Variants in SYN3 observed in about 807,000 individuals in gnomAD.
SYN3 encodes synapsin-3.
Under a neutral mutation model 65.8 loss-of-function variants are expected in SYN3, and 35 were observed. The ratio of observed to expected loss-of-function variants is 0.53; its 90% CI spans 0.41 to 0.70. SYN3 has a LOEUF of 0.70. Ranked by LOEUF, SYN3 falls within the 30% of genes least tolerant of loss-of-function variation. The pLI is 0.00. For missense variants in SYN3, 680 were observed against 749.0 expected (o/e 0.91, Z 1.08); for synonymous variants, 270 against 292.9 (o/e 0.92, Z 0.80).
At chr22:32,880,380 G>T (rs1307049363) in intron 4 of SYN3, among the ~76,000 whole-genome samples, 2 of 152,190 alleles carry the variant, frequency 1.3e-5, no homozygotes, top group African/African-American at 4.8e-5. Context: ...AGGGGAAGAA[G>T]CCAAGGAGGG....
chr22:32,584,656 T>C (rs975522371), intron 7 of SYN3, among the ~76,000 whole-genome samples: 1 of 152,188 alleles, frequency 6.6e-6, no homozygotes. Flanking sequence ...TCCAAATGAG[T>C]CTGTTCCTGG....
chr22:32,553,176 T>C (rs1316108946), intron 7 of SYN3, among the ~76,000 whole-genome samples: 1 of 152,146 alleles, frequency 6.6e-6, no homozygotes, highest in East Asian at 1.9e-4. Flanking sequence ...TCCCATCACT[T>C]TGGGGATTAA....
intron 7 of SYN3, among the ~76,000 whole-genome samples, chr22:32,559,911 T>C (rs2058561433): frequency 6.6e-6 from 1 of 151,642 alleles, no homozygotes; most frequent in South Asian, 2.1e-4. Context: ...AGGAGTTGGG[T>C]GAGTGGGCTC....
At chr22:33,007,986 G>A (rs1373694566) in intron 1 of SYN3, among the ~76,000 whole-genome samples, 1 of 151,260 alleles carries the variant, frequency 6.6e-6, no homozygotes, top group East Asian at 1.9e-4. Flanking sequence ...ACCCAGCCTG[G>A]AGTGCAGTGG....
chr22:32,794,832 T>C (rs1282055545), intron 6 of SYN3, among the ~76,000 whole-genome samples: 3 of 152,082 alleles, frequency 2.0e-5, no homozygotes, highest in Admixed American at 1.3e-4. Flanking sequence ...TCCTGAAAGA[T>C]GAATACGTGA....
intron 3 of SYN3, among the ~76,000 whole-genome samples, chr22:32,939,002 C>G (rs1352164928): frequency 1.3e-5 from 2 of 150,672 alleles, no homozygotes; most frequent in African/African-American, 4.9e-5. Flanking sequence ...ATTATAAGTC[C>G]AAAATGTGTT....
chr22:32,882,907 C>T (rs1239748373), intron 4 of SYN3, among the ~76,000 whole-genome samples: 1 of 151,970 alleles, frequency 6.6e-6, no homozygotes. Flanking sequence ...AGTCCCCCCG[C>T]CCCCCAACCA....
chr22:32,950,970 G>A lies in SYN3; in HGVS notation c.370-19489C>T, dbSNP rs146857865. Among the ~76,000 whole-genome samples the A allele has an allele frequency of 3.8e-4, 58 of 152,158 alleles. 1 individual carries two copies. The highest frequency in any genetic ancestry group is 1.3e-3 in the African/African-American group (54 of 41,494). ...CATCAAAATTCTACCCTAATTCCTA[G>A]CAGACTGATATGTTTACTCTTGGGA... On this transcript the variant is annotated intron_variant, in intron 3 of 13. Coordinates refer to ENST00000358763, the MANE Select transcript of SYN3 (RefSeq NM_003490.4).
intron 6 of SYN3, among the ~76,000 whole-genome samples, chr22:32,755,264 A>C (rs1260322645): frequency 6.6e-6 from 1 of 152,254 alleles, no homozygotes; most frequent in Admixed American, 6.5e-5. Context: ...AAATGAAATT[A>C]CTGGTTCAAG....
intron 6 of SYN3, among the ~76,000 whole-genome samples, chr22:32,627,153 C>T (rs7290002): frequency 0.1 from 14,043 of 139,646 alleles, 1,586 homozygotes; most frequent in African/African-American, 0.28. Flanking sequence ...GGCAGTGCGG[C>T]GGGCGGGTAA....
chr22:32,528,803 G>A (rs924126211), intron 11 of SYN3, 71 bp downstream of exon 11: 15 of 1,595,610 alleles, frequency 9.4e-6, no homozygotes, highest in Non-Finnish European at 1.3e-5. Flanking sequence ...TTGGATCCAG[G>A]GGCTCCCCAT....
At chr22:32,785,838 T>C (rs2046178899) in intron 6 of SYN3, among the ~76,000 whole-genome samples, 1 of 152,182 alleles carries the variant, frequency 6.6e-6, no homozygotes, top group East Asian at 1.9e-4. Context: ...ACTGTGTCTG[T>C]CTTGCTTCCT....
intron 7 of SYN3, among the ~76,000 whole-genome samples, chr22:32,554,958 G>A (rs1473255230): frequency 1.3e-5 from 2 of 152,206 alleles, no homozygotes; most frequent in Non-Finnish European, 2.9e-5. Flanking sequence ...CATTCAATGA[G>A]ATACTACATG....
Position 32,778,513 on chromosome 22 carries a change from C to T in SYN3, c.711+86402G>A, listed in dbSNP as rs1411622569. On this transcript the variant is annotated intron_variant, in intron 6 of 13. Coordinates refer to ENST00000358763, the MANE Select transcript of SYN3 (RefSeq NM_003490.4). ...TTCACCATGTTAGCCAGGCTGGTCT[C>T]GAACTCCTGACCTTGTGATCCACAC... is the stretch of plus-strand genomic sequence containing the variant. 3.3e-5 allele frequency among the ~76,000 whole-genome samples: 5 copies of T among 152,092 alleles called. No individual in the cohort carries two copies. In the East Asian group the frequency reaches 5.8e-4, roughly 18 times the overall value.
intron 3 of SYN3, among the ~76,000 whole-genome samples, chr22:32,935,666 G>A (rs1026352795): frequency 6.6e-6 from 1 of 152,158 alleles, no homozygotes; most frequent in East Asian, 1.9e-4. Flanking sequence ...GGCCAGGCTG[G>A]TCTCAAACTC....
At chr22:32,803,680 C>G (rs2046650830) in intron 6 of SYN3, among the ~76,000 whole-genome samples, 1 of 152,184 alleles carries the variant, frequency 6.6e-6, no homozygotes, top group African/African-American at 2.4e-5. Context: ...TGGTAACATT[C>G]CCACCTGATT....
chr22:33,052,806 C>T (rs937486481), intron 1 of SYN3, among the ~76,000 whole-genome samples: 2 of 152,226 alleles, frequency 1.3e-5, no homozygotes, highest in African/African-American at 2.4e-5. Flanking sequence ...TCATGCTCAT[C>T]AGAGCAAAGA....
intron 2 of SYN3, among the ~76,000 whole-genome samples, chr22:32,984,297 C>G (rs2052461222): frequency 6.6e-6 from 1 of 152,016 alleles, no homozygotes; most frequent in Non-Finnish European, 1.5e-5. Context: ...TCTCAGAATT[C>G]TTTGCACTCT....
intron 6 of SYN3, among the ~76,000 whole-genome samples, chr22:32,781,019 CTCT>C (rs2046045803): frequency 1.3e-5 from 1 of 74,382 alleles, no homozygotes; most frequent in Non-Finnish European, 2.7e-5. Flanking sequence ...TTCTTTCTTT[CTCT>C]CTCTCTTTTT....
Sources: gnomAD v4.1 joint callset for allele counts (sites outside exome capture counted in the v4.1 genomes callset) on GRCh38, gnomAD v4.1.1 for gene constraint, MANE v1.5 for transcripts, NCBI Gene and HGNC (gene_info 2026-07-23, HGNC 2026-07-21) for gene names.